The following DARS1 variants were observed in gnomAD, a reference collection of about 807,000 sequenced individuals.
DARS1 encodes the protein aspartyl-tRNA synthetase 1.
DARS1 carries 51 observed loss-of-function variants against 68.8 expected under a neutral mutation model. That is an observed-to-expected ratio of 0.74 (90% CI 0.59 to 0.94). DARS1 has a LOEUF of 0.94. DARS1 is among the 40% of genes least tolerant of loss of function. DARS1 has a pLI of 0.00. For synonymous variants in DARS1, 203 were observed against 190.4 expected, an observed-to-expected ratio of 1.07 and a Z score of -0.55; for missense variants, 607 against 597.3, an observed-to-expected ratio of 1.02 and a Z score of -0.17.
chr2:135,944,995 A>G (rs900666816), intron 4 of DARS1, among the ~76,000 whole-genome samples: 1 of 152,092 alleles, frequency 6.6e-6, no homozygotes, highest in Non-Finnish European at 1.5e-5. Flanking sequence ...CCACTCTGCT[A>G]CCTTTCTTCT....
intron 8 of DARS1, 129 bp downstream of exon 8, chr2:135,924,258 T>C (rs1681166619): frequency 6.9e-6 from 7 of 1,017,052 alleles, no homozygotes; most frequent in Non-Finnish European, 9.5e-6. Context: ...GTCTTCAAAA[T>C]AGTAGTCTCA....
chr2:135,967,611 T>C (rs570192985), intron 3 of DARS1, among the ~76,000 whole-genome samples: 195 of 152,346 alleles, frequency 1.3e-3, no homozygotes, highest in Middle Eastern at 3.4e-3. Flanking sequence ...TTAAAAAATG[T>C]CTGAAACACT....
intron 12 of DARS1, among the ~76,000 whole-genome samples, chr2:135,912,789 T>C (rs1035398095): frequency 6.7e-6 from 1 of 150,208 alleles, no homozygotes; most frequent in Non-Finnish European, 1.5e-5. Context: ...TTACTTATTA[T>C]CCATAGTTTT....
intron 4 of DARS1, among the ~76,000 whole-genome samples, chr2:135,950,547 A>C (rs1681819083): frequency 6.6e-6 from 1 of 152,176 alleles, no homozygotes; most frequent in African/African-American, 2.4e-5. Flanking sequence ...AACTCACTAG[A>C]ATTGGTTTAG....
rs1680805312 is a variant in DARS1, at chr2:135,907,261, T to TTTTTTTTTTTTTG, written c.*54_*55insCAAAAAAAAAAAA. ...GGCTTTCTTTTTTTTTTTTTTTTTT[T>TTTTTTTTTTTTTG]GAGGCAGGGTCTCGCTCTGTCATCC... is the stretch of plus-strand genomic sequence containing the variant. On this transcript the variant is annotated 3_prime_UTR_variant, in exon 16 of 16. Transcript: ENST00000264161. 8 of 889,172 alleles carry TTTTTTTTTTTTTG rather than the reference T, an allele frequency of 9.0e-6. No individual in the cohort carries two copies. The highest frequency in any genetic ancestry group is 5.6e-5 in the African/African-American group (3 of 53,330). 55.1% of individuals were successfully genotyped at this position (889,172 alleles called of 1,614,324 possible). A position where few individuals can be genotyped will look rare whatever the true frequency, so the allele number is the denominator to read the frequency against.
At chr2:135,932,736 C>T in intron 7 of DARS1, 47 bp downstream of exon 7, 1 of 879,438 alleles carries the variant, frequency 1.1e-6, no homozygotes. Context: ...CCCTGCCCCT[C>T]TCTAATGCGG....
intron 3 of DARS1, among the ~76,000 whole-genome samples, chr2:135,962,604 CAA>C (rs1016160799): frequency 5.9e-5 from 9 of 152,088 alleles, no homozygotes; most frequent in African/African-American, 1.9e-4. Flanking sequence ...AGGTTGCAAA[CAA>C]AGTGTCAACA....
intron 1 of DARS1, among the ~76,000 whole-genome samples, chr2:135,984,630 C>T (rs1187367149): frequency 6.6e-6 from 1 of 152,188 alleles, no homozygotes; most frequent in Non-Finnish European, 1.5e-5. Flanking sequence ...AGTGACTCTT[C>T]CTCATTTAGT....
chr2:135,920,806 C>A (rs955236380), intron 9 of DARS1, among the ~76,000 whole-genome samples: 8 of 151,924 alleles, frequency 5.3e-5, no homozygotes, highest in Non-Finnish European at 1.2e-4. Flanking sequence ...GCAATAAAAG[C>A]CGTACCAAAT....
chr2:135,975,609 C>G (rs774692376), intron 3 of DARS1, among the ~76,000 whole-genome samples: 6 of 151,888 alleles, frequency 4.0e-5, no homozygotes, highest in Admixed American at 1.3e-4. Context: ...CCCTGGCCAA[C>G]ATGGTGAGAC....
At chr2:135,914,404 T>C in intron 12 of DARS1, 65 bp downstream of exon 12, 2 of 868,796 alleles carry the variant, frequency 2.3e-6, no homozygotes, top group Admixed American at 1.8e-5. Context: ...CCCTCTGCAA[T>C]TGTTTTTAGT....
At chr2:135,947,925 T>G (rs55759471) in intron 4 of DARS1, among the ~76,000 whole-genome samples, 2,111 of 152,260 alleles carry the variant, frequency 0.014, 54 homozygotes, top group African/African-American at 0.048. Context: ...CCAGTAACAC[T>G]GATGTATCTT....
chr2:135,935,211 GCT>G (rs547866928), intron 5 of DARS1, among the ~76,000 whole-genome samples: 1 of 152,006 alleles, frequency 6.6e-6, no homozygotes, highest in African/African-American at 2.4e-5. Context: ...CCCCTTCATT[GCT>G]CTCTCTCATT....
At chr2:135,968,532 G>A (rs1682289334) in intron 3 of DARS1, among the ~76,000 whole-genome samples, 1 of 151,988 alleles carries the variant, frequency 6.6e-6, no homozygotes, top group African/African-American at 2.4e-5. Context: ...GAGTGTGCTA[G>A]TTTAGGTCTC....
chr2:135,979,204 G>A, intron 3 of DARS1, 70 bp downstream of exon 3: 2 of 796,084 alleles, frequency 2.5e-6, no homozygotes, highest in Non-Finnish European at 2.2e-6. Context: ...ACTTTGGTCT[G>A]TGAGGAATAT....
chr2:135,982,985 ACAGT>A (rs1205118877), intron 2 of DARS1, among the ~76,000 whole-genome samples: 2 of 152,172 alleles, frequency 1.3e-5, no homozygotes, highest in African/African-American at 2.4e-5. Context: ...ATAGCTAAAA[ACAGT>A]CAGAGAAGTA....
At chr2:135,912,966 T>C (rs1680928796) in intron 12 of DARS1, among the ~76,000 whole-genome samples, 1 of 151,942 alleles carries the variant, frequency 6.6e-6, no homozygotes. Context: ...CCTCAAATGA[T>C]CCTCCTACCT....
At chr2:135,949,877 A>C (rs1007402410) in intron 4 of DARS1, among the ~76,000 whole-genome samples, 2 of 152,232 alleles carry the variant, frequency 1.3e-5, no homozygotes, top group African/African-American at 4.8e-5. Context: ...AAAATACTCC[A>C]AAGCTAGAAA....
At chr2:135,969,567 G>C (rs1386664772) in intron 3 of DARS1, among the ~76,000 whole-genome samples, 4 of 149,660 alleles carry the variant, frequency 2.7e-5, no homozygotes, top group Non-Finnish European at 5.9e-5. Flanking sequence ...ATGAAGACCA[G>C]ATTATAAATG....
Sources: gnomAD v4.1 joint callset for allele counts (sites outside exome capture counted in the v4.1 genomes callset) on GRCh38, gnomAD v4.1.1 for gene constraint, MANE v1.5 for transcripts, NCBI Gene and HGNC (gene_info 2026-07-23, HGNC 2026-07-21) for gene names.